Variants in BACE2 observed in about 807,000 individuals in gnomAD.
BACE2 encodes the protein 56 kDa aspartic-like protease.
BACE2 carries 17 observed loss-of-function variants against 46.2 expected under a neutral mutation model. The observed-to-expected ratio is 0.37, with a 90% confidence interval of 0.25 to 0.55. The LOEUF is 0.55. BACE2 is among the 20% of genes least tolerant of loss of function. BACE2 has a pLI of 0.82. For synonymous variants in BACE2, 277 were observed against 295.9 expected, an observed-to-expected ratio of 0.94 and a Z score of 0.66; for missense variants, 595 against 698.1, an observed-to-expected ratio of 0.85 and a Z score of 1.66.
intron 8 of BACE2, among the ~76,000 whole-genome samples, chr21:41,258,936 G>C (rs1434630046): frequency 6.6e-6 from 1 of 151,966 alleles, no homozygotes; most frequent in Non-Finnish European, 1.5e-5. Flanking sequence ...GCAGCAGGTG[G>C]GACTGAAATA....
chr21:41,256,910 G>A (rs1170374422), intron 7 of BACE2, among the ~76,000 whole-genome samples: 3 of 152,196 alleles, frequency 2.0e-5, no homozygotes, highest in Admixed American at 6.5e-5. Context: ...TCTTCTGGGT[G>A]TGTGCACCTG....
At chr21:41,262,887 G>A (rs1307264375) in intron 8 of BACE2, among the ~76,000 whole-genome samples, 1 of 151,968 alleles carries the variant, frequency 6.6e-6, no homozygotes, top group African/African-American at 2.4e-5. Flanking sequence ...TCTAGAAATG[G>A]TTTTTAGAGT....
Position 41,278,031 on chromosome 21 carries a change from A to G in BACE2, c.*2407A>G, listed in dbSNP as rs1183106097. 3 of 152,224 alleles carry G rather than the reference A, an allele frequency of 2.0e-5. No homozygotes were observed. The highest frequency in any genetic ancestry group is 4.4e-5 in the Non-Finnish European group (3 of 68,044). 9.4% of individuals were successfully genotyped at this position (152,224 alleles called of 1,614,324 possible). A position where few individuals can be genotyped will look rare whatever the true frequency, so the allele number is the denominator to read the frequency against. ...TTAGTGACACCCACCTCCTCCAGTT[A>G]TGCAAATTGATGCTTAGCTTGGCAA... is the stretch of plus-strand genomic sequence containing the variant. On this transcript the variant is annotated 3_prime_UTR_variant, in exon 9 of 9. Transcript: ENST00000330333.
At chr21:41,182,707 T>C (rs73902944) in intron 1 of BACE2, 28,291 of 167,008 alleles carry the variant, frequency 0.17, 2,638 homozygotes, top group African/African-American at 0.21. Flanking sequence ...ACTCATGCAC[T>C]GTGCAGATGA....
chr21:41,178,985 A>G, intron 1 of BACE2: 1 of 789,418 alleles, frequency 1.3e-6, no homozygotes, highest in Non-Finnish European at 1.7e-6. Context: ...GCAATTTGAG[A>G]TGAGATTGGC....
rs7275352 is a variant in BACE2 at position 41,207,038 on chromosome 21, G to T, written c.313-19228G>T. On this transcript the variant is annotated intron_variant, in intron 1 of 8. Transcript: ENST00000330333. ...GGTTTGGAGTGGGTCTTCAATTGCT[G>T]TCATCAACTCTTGAGCAAAAGAGAA... is the stretch of plus-strand genomic sequence containing the variant. Among the ~76,000 whole-genome samples the T allele has an allele frequency of 5.7e-3, 867 of 152,296 alleles. 11 individuals carry two copies. Among genetic ancestry groups the T allele is most frequent in the African/African-American group, 0.02 (835 of 41,550 alleles).
chr21:41,206,297 A>T (rs142950482), intron 1 of BACE2, among the ~76,000 whole-genome samples: 1 of 152,236 alleles, frequency 6.6e-6, no homozygotes, highest in Non-Finnish European at 1.5e-5. Flanking sequence ...CCTTTTTATA[A>T]GGGCACTAAT....
chr21:41,237,384 T>G, intron 2 of BACE2, 129 bp from the exon 3 acceptor site: 1 of 545,472 alleles, frequency 1.8e-6, no homozygotes, highest in Non-Finnish European at 2.9e-6. Flanking sequence ...AGGCGGAGGT[T>G]GCAGTGAGCC....
At chr21:41,197,830 T>G (rs1318826000) in intron 1 of BACE2, among the ~76,000 whole-genome samples, 1 of 152,176 alleles carries the variant, frequency 6.6e-6, no homozygotes, top group Non-Finnish European at 1.5e-5. Context: ...AGCCAGGATT[T>G]GAAAGCAGGT....
chr21:41,211,035 A>C (rs953611276), intron 1 of BACE2, among the ~76,000 whole-genome samples: 1 of 152,124 alleles, frequency 6.6e-6, no homozygotes, highest in African/African-American at 2.4e-5. Context: ...ATAAGAAGGT[A>C]TTCTTTTCAC....
At chr21:41,225,099 T>C (rs1402528804) in intron 1 of BACE2, among the ~76,000 whole-genome samples, 1 of 151,866 alleles carries the variant, frequency 6.6e-6, no homozygotes, top group African/African-American at 2.4e-5. Context: ...CCGGGCTCGG[T>C]GGCGGGCACC....
intron 2 of BACE2, among the ~76,000 whole-genome samples, chr21:41,234,240 C>G (rs1461277564): frequency 1.3e-5 from 2 of 152,104 alleles, no homozygotes; most frequent in Non-Finnish European, 2.9e-5. Context: ...CACCTTCCAC[C>G]ATGATTGTGA....
intron 2 of BACE2, among the ~76,000 whole-genome samples, chr21:41,227,914 G>T (rs1013939323): frequency 6.6e-5 from 10 of 152,112 alleles, no homozygotes; most frequent in Admixed American, 2.0e-4. Flanking sequence ...TCCCCAAACA[G>T]CCCTCACCTC....
At chr21:41,173,036 T>A (rs1984661619) in intron 1 of BACE2, among the ~76,000 whole-genome samples, 2 of 152,232 alleles carry the variant, frequency 1.3e-5, no homozygotes. Context: ...AGACCAGTCA[T>A]TAGATTAGGG....
At position 41,280,757 on chromosome 21, in the gene BACE2, C is replaced by T. The variant is rs2088539416; in HGVS notation, c.*5133C>T. On this transcript the variant is annotated 3_prime_UTR_variant, in exon 9 of 9. Transcript: ENST00000330333. The stretch of plus-strand genomic sequence containing the variant: ...TCACAGCTGTTGGGGATACGTAACT[C>T]CCAGCAATAAATCCAGTATTTTCTT... 2.0e-5 allele frequency: 3 copies of T among 152,376 alleles called. No homozygotes were observed. The highest frequency in any genetic ancestry group is 2.0e-4 in the Admixed American group (3 of 15,310). The allele number at this position is 152,376 out of a possible 1,614,324, so 9.4% of individuals were successfully genotyped here.
chr21:41,220,191 G>T (rs1282196898), intron 1 of BACE2, among the ~76,000 whole-genome samples: 1 of 152,128 alleles, frequency 6.6e-6, no homozygotes, highest in Admixed American at 6.5e-5. Context: ...GGTATAGGGG[G>T]ACAGGTACAG....
intron 1 of BACE2, among the ~76,000 whole-genome samples, chr21:41,172,508 A>G (rs1400977674): frequency 6.6e-6 from 1 of 152,248 alleles, no homozygotes; most frequent in Non-Finnish European, 1.5e-5. Flanking sequence ...TAGTTTGTCC[A>G]GGGCCACACT....
At chr21:41,220,734 A>C (rs1475115502) in intron 1 of BACE2, among the ~76,000 whole-genome samples, 3 of 150,822 alleles carry the variant, frequency 2.0e-5, no homozygotes, top group South Asian at 4.1e-4. Flanking sequence ...ATATTTTTAT[A>C]TATGTGAGAT....
Position 41,280,099 on chromosome 21 carries a change from T to C in BACE2, c.*4475T>C, listed in dbSNP as rs1464610686. ...AAGAGAAACTTGCTTGACAGCCATGTGTAAAACACGTCTGTCCTAATCAAA... is the reference window on the plus strand; with the variant it reads ...AAGAGAAACTTGCTTGACAGCCATGCGTAAAACACGTCTGTCCTAATCAAA... On this transcript the variant is annotated 3_prime_UTR_variant, in exon 9 of 9. Transcript: ENST00000330333. 6.6e-6 allele frequency: 1 copy of C among 152,284 alleles called. No individual in the cohort carries two copies. The highest frequency in any genetic ancestry group is 2.4e-5 in the African/African-American group (1 of 41,458). The allele number at this position is 152,284 out of a possible 1,614,324, so 9.4% of individuals were successfully genotyped here.
Sources: allele counts gnomAD v4.1 joint callset (sites outside exome capture counted in the v4.1 genomes callset), GRCh38; gene constraint gnomAD v4.1.1; transcripts MANE v1.5; gene names NCBI Gene and HGNC (gene_info 2026-07-23, HGNC 2026-07-21).